DCC: variants seen among roughly 807,000 people sequenced by gnomAD.
DCC encodes the protein netrin receptor DCC.
In DCC, 58 loss-of-function variants were observed where a neutral mutation model predicts 172.5. The observed-to-expected ratio is 0.34, with a 90% CI of 0.27 to 0.42. The LOEUF (loss-of-function observed/expected upper bound fraction) is 0.42. Ranked by LOEUF, DCC falls within the 10% of genes least tolerant of loss-of-function variation. The pLI, the probability that DCC is intolerant of heterozygous loss-of-function variation, is 1.00. For synonymous variants in DCC, 709 were observed against 644.5 expected, an observed-to-expected ratio of 1.10 and a Z score of -1.52; for missense variants, 1,740 against 1,791.0, an observed-to-expected ratio of 0.97 and a Z score of 0.51.
At chr18:52,510,310 C>G (rs1057429685) in intron 1 of DCC, among the ~76,000 whole-genome samples, 3 of 152,176 alleles carry the variant, frequency 2.0e-5, no homozygotes, top group African/African-American at 7.2e-5. Context: ...GTGGCTGGAA[C>G]TGGCCTTGCT....
chr18:53,134,692 A>G (rs1424421099), intron 7 of DCC, among the ~76,000 whole-genome samples: 1 of 152,162 alleles, frequency 6.6e-6, no homozygotes, highest in Non-Finnish European at 1.5e-5. Flanking sequence ...GTTAAAAGAA[A>G]TGATTTTTTT....
intron 12 of DCC, among the ~76,000 whole-genome samples, chr18:53,299,922 C>G (rs933440389): frequency 6.6e-6 from 1 of 152,068 alleles, no homozygotes; most frequent in Non-Finnish European, 1.5e-5. Flanking sequence ...TCATAATGAG[C>G]ATAAAAATAT....
intron 5 of DCC, among the ~76,000 whole-genome samples, chr18:52,942,336 T>G (rs147417624): frequency 1.6e-4 from 24 of 152,316 alleles, no homozygotes; most frequent in Non-Finnish European, 2.9e-4. Flanking sequence ...TCTAATACAT[T>G]ATTTCTTTAA....
intron 1 of DCC, among the ~76,000 whole-genome samples, chr18:52,669,618 C>A (rs190283283): frequency 7.9e-5 from 12 of 152,288 alleles, no homozygotes; most frequent in African/African-American, 2.9e-4. Context: ...TGCTGCCCTC[C>A]ACATTGGCAA....
intron 5 of DCC, among the ~76,000 whole-genome samples, chr18:53,057,324 G>C (rs978736080): frequency 6.6e-6 from 1 of 152,040 alleles, no homozygotes; most frequent in Non-Finnish European, 1.5e-5. Context: ...CCAAATTTAA[G>C]GTTTGCCTGT....
At chr18:53,333,069 CAAA>C (rs11323974) in intron 14 of DCC, among the ~76,000 whole-genome samples, 15 of 120,560 alleles carry the variant, frequency 1.2e-4, no homozygotes, top group Non-Finnish European at 1.4e-4. Context: ...GAACCTGTCT[CAAA>C]AAAAAAAAAA....
intron 1 of DCC, among the ~76,000 whole-genome samples, chr18:52,526,600 G>A (rs181084629): frequency 1.9e-3 from 295 of 152,162 alleles, no homozygotes; most frequent in Middle Eastern, 3.4e-3. Flanking sequence ...TGTAGATTTA[G>A]AATATCTTCC....
chr18:53,038,759 G>A (rs953853553), intron 5 of DCC, among the ~76,000 whole-genome samples: 2 of 152,036 alleles, frequency 1.3e-5, no homozygotes, highest in African/African-American at 4.8e-5. Flanking sequence ...GCTTGTCTGT[G>A]ATTACTCAGC....
chr18:52,578,327 A>G lies in DCC; in HGVS notation c.92-173727A>G, dbSNP rs2144771838. On this transcript the variant is annotated intron_variant, in intron 1 of 28. Transcript: ENST00000442544. Reference sequence around the variant, plus strand: ...AGTCAGAGATTCAATTTTAGTTCTTACCAGCTAAGTTCTTATATTTTGCCC... The same window carrying G: ...AGTCAGAGATTCAATTTTAGTTCTTGCCAGCTAAGTTCTTATATTTTGCCC... Among the ~76,000 whole-genome samples, 2 of 152,328 alleles carry G rather than the reference A, an allele frequency of 1.3e-5. 1 individual carries two copies. The highest frequency in any genetic ancestry group is 3.9e-4 in the East Asian group (2 of 5,180).
intron 1 of DCC, among the ~76,000 whole-genome samples, chr18:52,619,081 G>C (rs953321884): frequency 6.6e-6 from 1 of 152,106 alleles, no homozygotes; most frequent in Admixed American, 6.5e-5. Context: ...GGGATTACGG[G>C]CATGCACCGC....
intron 1 of DCC, among the ~76,000 whole-genome samples, chr18:52,565,525 T>C (rs1024964577): frequency 1.3e-5 from 2 of 152,218 alleles, no homozygotes; most frequent in African/African-American, 4.8e-5. Flanking sequence ...TTTTTAATGA[T>C]CGCCATTCTA....
At chr18:53,333,123 A>C (rs2057550118) in intron 14 of DCC, among the ~76,000 whole-genome samples, 1 of 152,192 alleles carries the variant, frequency 6.6e-6, no homozygotes, top group Admixed American at 6.5e-5. Context: ...GGATGGTAAA[A>C]GAATACAAAG....
chr18:53,324,903 A>G (rs190687187), intron 14 of DCC, among the ~76,000 whole-genome samples: 380 of 152,258 alleles, frequency 2.5e-3, no homozygotes, highest in African/African-American at 8.8e-3. Context: ...AAATTTAACT[A>G]ACTTAATCAA....
chr18:53,426,605 G>T (rs537327390), intron 21 of DCC, among the ~76,000 whole-genome samples: 12 of 151,306 alleles, frequency 7.9e-5, no homozygotes, highest in African/African-American at 2.9e-4. Flanking sequence ...GGCATAAGTA[G>T]ATAATCATCC....
intron 2 of DCC, among the ~76,000 whole-genome samples, chr18:52,885,368 C>A (rs2039554189): frequency 6.6e-6 from 1 of 152,038 alleles, no homozygotes; most frequent in Non-Finnish European, 1.5e-5. Context: ...GCACTCAAAC[C>A]ACAAAAGAGT....
chr18:52,941,486 T>TTGTG (rs74178695), intron 5 of DCC, among the ~76,000 whole-genome samples: 1,996 of 149,622 alleles, frequency 0.013, 17 homozygotes, highest in Non-Finnish European at 0.021. Flanking sequence ...ATATACATGT[T>TTGTG]TGTGTGTGTG....
At chr18:52,825,129 G>A (rs2145281505) in intron 2 of DCC, among the ~76,000 whole-genome samples, 1 of 152,224 alleles carries the variant, frequency 6.6e-6, no homozygotes, top group South Asian at 2.1e-4. Flanking sequence ...TTAGACAGAT[G>A]TTTCTTTAAG....
intron 1 of DCC, among the ~76,000 whole-genome samples, chr18:52,356,337 C>CT (rs576645218): frequency 5.6e-4 from 85 of 151,216 alleles, no homozygotes; most frequent in African/African-American, 1.3e-3. Flanking sequence ...ATGTTTTCAT[C>CT]TTTTTTTTTC....
chr18:53,048,600 C>A (rs757055854), intron 5 of DCC, among the ~76,000 whole-genome samples: 71 of 146,492 alleles, frequency 4.8e-4, no homozygotes, highest in Non-Finnish European at 7.5e-4. Flanking sequence ...TATATACATA[C>A]ATGTATAAAA....
Sources: gnomAD v4.1 joint callset for allele counts (sites outside exome capture counted in the v4.1 genomes callset) on GRCh38, gnomAD v4.1.1 for gene constraint, MANE v1.5 for transcripts, NCBI Gene and HGNC (gene_info 2026-07-23, HGNC 2026-07-21) for gene names.